The following NAALADL1 variants were observed in gnomAD, a reference collection of about 807,000 sequenced individuals.
NAALADL1 encodes the protein aminopeptidase NAALADL1.
A neutral mutation model predicts 82.8 loss-of-function variants in NAALADL1; 77 were observed. That is an observed-to-expected ratio of 0.93 (90% CI 0.77 to 1.12). NAALADL1 has a LOEUF of 1.12. Ranked by LOEUF, NAALADL1 falls within the 50% of genes most tolerant of loss-of-function variation. The pLI, the probability that NAALADL1 is intolerant of heterozygous loss-of-function variation, is 0.00. For missense variants in NAALADL1, 956 were observed against 964.0 expected (o/e 0.99, Z 0.11); for synonymous variants, 358 against 399.2 (o/e 0.90, Z 1.23).
chr11:65,054,537 G>A lies in NAALADL1; in HGVS notation c.805C>T (p.Arg269Cys), dbSNP rs753580850. ...PYLPAVPSSF[R>C]VDLANVSGFP... is the part of the protein sequence containing the mutation. ...CCGGAGACATTGGCAAGGTCCACGC[G>A]GAAGGAAGAGGGGACGGCTGGAAGG... The change falls in exon 5 of 18, where the codon CGC (arginine) becomes TGC (cysteine). Residue 269 changes from arginine to cysteine, a missense_variant. Transcript: ENST00000358658. This position sits in a 1 kb window ranked among gnomAD's most constrained non-coding sequence, Gnocchi z 4.3. 7.5e-5 allele frequency: 121 copies of A among 1,613,862 alleles called. No homozygotes were observed. The highest frequency in any genetic ancestry group is 2.9e-4 in the South Asian group (26 of 91,074).
intron 8 of NAALADL1, among the ~76,000 whole-genome samples, chr11:65,052,299 A>C (rs558758): frequency 1 from 151,651 of 151,834 alleles, 75,735 homozygotes; most frequent in Middle Eastern, 1. Context: ...CCCTATGTGG[A>C]GTGCCCTTCC....
rs1217164878 is a variant in NAALADL1, at chr11:65,054,147, G to T, written c.992+103C>A. On this transcript the variant is annotated intron_variant, in intron 6 of 17. Transcript: ENST00000358658. The surrounding 1 kb of genome is among the most constrained non-coding windows in gnomAD (Gnocchi z 4.3). ...TGGGAGAGAGAGGAAAGGGAAAAAG[G>T]TCAGGCTTTGAAGTGGAAAGAGGGA... 4.8e-6 allele frequency: 5 copies of T among 1,040,138 alleles called. No homozygotes were observed. The highest frequency in any genetic ancestry group is 2.4e-5 in the East Asian group (1 of 40,882). The allele number at this position is 1,040,138 out of a possible 1,614,324, so 64.4% of individuals were successfully genotyped here.
chr11:65,053,465 G>A lies in NAALADL1; in HGVS notation c.1078+26C>T, dbSNP rs778347145. 1 of 1,612,486 alleles carries A rather than the reference G, an allele frequency of 6.2e-7. No homozygotes were observed. Among genetic ancestry groups the A allele is most frequent in the Non-Finnish European group, 8.5e-7 (1 of 1,178,794 alleles). On this transcript the variant is annotated intron_variant, in intron 7 of 17. Transcript: ENST00000358658. The surrounding 1 kb of genome is among the most constrained non-coding windows in gnomAD (Gnocchi z 4.3). ...ATCCAGAGCAGAGCAGGGGCCTGGG[G>A]TGCAGGCAGCAAGAGGAGGGCTCAC...
At chr11:65,046,735 C>T (rs1460553006) in intron 13 of NAALADL1, among the ~76,000 whole-genome samples, 1 of 152,184 alleles carries the variant, frequency 6.6e-6, no homozygotes, top group Non-Finnish European at 1.5e-5. Context: ...AGAGCTGGGT[C>T]TGGTGCCAGT....
At position 65,057,492 on chromosome 11, in the gene NAALADL1, C is replaced by G; in HGVS notation, c.482G>C (p.Gly161Ala). ...GCCCCGGTTGGCATAGACGAGGAGG[C>G]CCTAGTCCCAAGAGGGGGTGATCCT... is the stretch of plus-strand genomic sequence containing the variant. Reference protein sequence around the residue: ...AAYAPSGTPQGLLVYANRGAE... With the variant: ...AAYAPSGTPQALLVYANRGAE... Residue 161 changes from glycine (G) to alanine (A), a missense_variant and splice_region_variant, in exon 4 of 18, where the codon GGC becomes GCC. By Grantham distance (60) the Gly-to-Ala change is moderately conservative (BLOSUM62 0). Coordinates refer to ENST00000358658, the MANE Select transcript of NAALADL1 (RefSeq NM_005468.3). The G allele has an allele frequency of 6.2e-7, 1 of 1,612,368 alleles. No homozygotes were observed. Among genetic ancestry groups the G allele is most frequent in the South Asian group, 1.1e-5 (1 of 90,832 alleles).
In NAALADL1 at chr11:65,046,174, CA is replaced by C. The variant is rs1565218031; in HGVS notation, c.1855+14del. The C allele has an allele frequency of 5.0e-6, 8 of 1,613,992 alleles. No homozygotes were observed. Among genetic ancestry groups the C allele is most frequent in the Non-Finnish European group, 2.5e-6 (3 of 1,180,030 alleles). Reference sequence around the variant, plus strand: ...TGCAGGGCTCCCCATACCTCAGGGTCAGGGCTGTGCATACCCAGGCTGATGC... The same window carrying C: ...TGCAGGGCTCCCCATACCTCAGGGTCGGGCTGTGCATACCCAGGCTGATGC... On this transcript the variant is annotated intron_variant, in intron 15 of 17. Transcript: ENST00000358658.
At position 65,053,136 on chromosome 11, in the gene NAALADL1, G is replaced by A. The variant is rs1946933261; in HGVS notation, c.1198+82C>T. 17 of 1,453,512 alleles carry A rather than the reference G, an allele frequency of 1.2e-5. No homozygotes were observed. Among genetic ancestry groups the A allele is most frequent in the Non-Finnish European group, 1.6e-5 (17 of 1,093,208 alleles). The allele number at this position is 1,453,512 out of a possible 1,614,324, so 90.0% of individuals were successfully genotyped here. A position where few individuals can be genotyped will look rare whatever the true frequency, so the allele number is the denominator to read the frequency against. Reference sequence around the variant, plus strand: ...CCTCAGGCATGGCACAAGGAGCACTGCAGTGTGAGGGAGAGGAGGTGGAAC... The same window carrying A: ...CCTCAGGCATGGCACAAGGAGCACTACAGTGTGAGGGAGAGGAGGTGGAAC... On this transcript the variant is annotated intron_variant, in intron 8 of 17. Coordinates refer to ENST00000358658, the MANE Select transcript of NAALADL1 (RefSeq NM_005468.3). The surrounding 1 kb of genome is among the most constrained non-coding windows in gnomAD (Gnocchi z 4.3).
intron 4 of NAALADL1, 114 bp downstream of exon 4, chr11:65,057,257 C>T (rs977525142): frequency 6.9e-7 from 1 of 1,452,826 alleles, no homozygotes; most frequent in Non-Finnish European, 9.1e-7. Context: ...CACCCTGGGG[C>T]TTGGTTCCCC....
In NAALADL1 at chr11:65,054,815, G is replaced by T; in HGVS notation, c.604-77C>A. 1 of 1,519,990 alleles carries T rather than the reference G, an allele frequency of 6.6e-7. No homozygotes were observed. Among genetic ancestry groups the T allele is most frequent in the South Asian group, 1.2e-5 (1 of 80,304 alleles). The allele number at this position is 1,519,990 out of a possible 1,614,324, so 94.2% of individuals were successfully genotyped here. ...GTCCTATTCCTCTTCCTCCTTCCTC[G>T]ACTGTGGAAGCCAGGATAGACCAAT... On this transcript the variant is annotated intron_variant, in intron 4 of 17. Coordinates refer to ENST00000358658, the MANE Select transcript of NAALADL1 (RefSeq NM_005468.3). The surrounding 1 kb of genome is among the most constrained non-coding windows in gnomAD (Gnocchi z 4.3).
rs780899446 is a variant in NAALADL1 at position 65,057,337 on chromosome 11, C to T, written c.603+34G>A. 3 of 1,574,750 alleles carry T rather than the reference C, an allele frequency of 1.9e-6. No homozygotes were observed. The South Asian group carries it at 3.5e-5, about 18-fold the overall frequency. On this transcript the variant is annotated intron_variant, in intron 4 of 17. Coordinates refer to ENST00000358658, the MANE Select transcript of NAALADL1 (RefSeq NM_005468.3). ...AGTCCACTGCCCAGCCCCTTCCTCACCGAGGCCTCCTGCACTGGGGGACTG... is the reference window on the plus strand; with the variant it reads ...AGTCCACTGCCCAGCCCCTTCCTCATCGAGGCCTCCTGCACTGGGGGACTG...
At chr11:65,060,751 C>T (rs1947174913), upstream of NAALADL1, among the ~76,000 whole-genome samples, 2 of 152,140 alleles carry the variant, frequency 1.3e-5, no homozygotes, top group Non-Finnish European at 2.9e-5. Context: ...ATTTTCTTTC[C>T]TTCATCTTTG....
At position 65,045,156 on chromosome 11, in the gene NAALADL1, T is replaced by C. The variant is rs932766936; in HGVS notation, c.*115A>G. 3.8e-5 allele frequency: 46 copies of C among 1,198,786 alleles called. No individual in the cohort carries two copies. Among genetic ancestry groups the C allele is most frequent in the Non-Finnish European group, 5.2e-5 (45 of 866,432 alleles). 74.3% of individuals were successfully genotyped at this position (1,198,786 alleles called of 1,614,324 possible). A position where few individuals can be genotyped will look rare whatever the true frequency, so the allele number is the denominator to read the frequency against. Reference sequence around the variant, plus strand: ...GACCTCAAGCTGTTGCCTGAGAAGCTTGAGAGGGTCCTGTGGTAGTGCCCT... The same window carrying C: ...GACCTCAAGCTGTTGCCTGAGAAGCCTGAGAGGGTCCTGTGGTAGTGCCCT... On this transcript the variant is annotated 3_prime_UTR_variant, in exon 18 of 18. Coordinates refer to ENST00000358658, the MANE Select transcript of NAALADL1 (RefSeq NM_005468.3).
intron 11 of NAALADL1, 26 bp from the exon 12 acceptor site, chr11:65,047,764 G>A (rs749429913): frequency 7.0e-6 from 11 of 1,571,794 alleles, no homozygotes; most frequent in African/African-American, 1.3e-5. Context: ...ATTTAGTCTC[G>A]GTGCGCGGCC....
At position 65,057,274 on chromosome 11, in the gene NAALADL1, C is replaced by G. The variant is rs556479125; in HGVS notation, c.603+97G>C. On this transcript the variant is annotated intron_variant, in intron 4 of 17. Coordinates refer to ENST00000358658, the MANE Select transcript of NAALADL1 (RefSeq NM_005468.3). ...CCCTGGGGCTTGGTTCCCCACTCAA[C>G]ACTGCCTCTTCTCCTTCCCCTTCCC... 2.7e-6 allele frequency: 4 copies of G among 1,491,502 alleles called. No individual in the cohort carries two copies. In the African/African-American group the frequency reaches 5.6e-5, roughly 21 times the overall value. The allele number at this position is 1,491,502 out of a possible 1,614,324, so 92.4% of individuals were successfully genotyped here.
chr11:65,061,171 C>T (rs548624537), upstream of NAALADL1, among the ~76,000 whole-genome samples: 2 of 152,324 alleles, frequency 1.3e-5, no homozygotes, highest in South Asian at 4.1e-4. Flanking sequence ...CGTGGCCTCC[C>T]GGACACCATG....
intron 9 of NAALADL1, 25 bp from the exon 10 acceptor site, chr11:65,048,240 G>C: frequency 6.2e-7 from 1 of 1,614,090 alleles, no homozygotes; most frequent in South Asian, 1.1e-5. Context: ...GGCGACGTCA[G>C]CCCCGCGCCG....
At chr11:65,061,192 A>C (rs1947182085), upstream of NAALADL1, among the ~76,000 whole-genome samples, 1 of 152,118 alleles carries the variant, frequency 6.6e-6, no homozygotes. Flanking sequence ...TTGTGAAGAC[A>C]CTCAAGCAGC....
intron 13 of NAALADL1, 46 bp downstream of exon 13, chr11:65,047,429 G>T (rs1345181437): frequency 3.4e-6 from 5 of 1,482,174 alleles, no homozygotes; most frequent in Non-Finnish European, 4.6e-6. Flanking sequence ...AGGAGGGGGC[G>T]CATGCAGCAA....
In NAALADL1 at chr11:65,046,531, G is replaced by A; in HGVS notation, c.1600-5C>T. Reference sequence around the variant, plus strand: ...GATCCTGGCTGAAGTCTTGCTCTGGGGGAACAAAGCCCAGAGGTGACAGGC... The same window carrying A: ...GATCCTGGCTGAAGTCTTGCTCTGGAGGAACAAAGCCCAGAGGTGACAGGC... On this transcript the variant is annotated splice_region_variant and splice_polypyrimidine_tract_variant and intron_variant, in intron 13 of 17. Transcript: ENST00000358658. 3 of 1,614,072 alleles carry A rather than the reference G, an allele frequency of 1.9e-6. No homozygotes were observed. The highest frequency in any genetic ancestry group is 2.5e-6 in the Non-Finnish European group (3 of 1,179,964).
Sources: allele counts gnomAD v4.1 joint callset (sites outside exome capture counted in the v4.1 genomes callset), GRCh38; gene constraint gnomAD v4.1.1; non-coding constraint Gnocchi (gnomAD v3.1); transcripts MANE v1.5; gene names NCBI Gene and HGNC (gene_info 2026-07-23, HGNC 2026-07-21).